Variants in DOCK3 observed in about 807,000 individuals in gnomAD.
The protein encoded by DOCK3 is dedicator of cytokinesis protein 3.
DOCK3 carries 60 observed loss-of-function variants against 265.6 expected under a neutral mutation model. The ratio of observed to expected loss-of-function variants is 0.23; its 90% CI spans 0.18 to 0.28. DOCK3 has a LOEUF of 0.28. DOCK3 is among the 10% of genes least tolerant of loss of function. The probability of loss-of-function intolerance (pLI) is 1.00; values close to 1 mark genes in which losing one functional copy is unlikely to be tolerated. For synonymous variants in DOCK3, 881 were observed against 938.0 expected, an observed-to-expected ratio of 0.94 and a Z score of 1.11; for missense variants, 1,981 against 2,594.3, an observed-to-expected ratio of 0.76 and a Z score of 5.14.
At chr3:51,275,013 C>T (rs1576621996) in intron 24 of DOCK3, 66 bp from the exon 25 acceptor site, 1 of 1,597,252 alleles carries the variant, frequency 6.3e-7, no homozygotes, top group Non-Finnish European at 8.6e-7. Flanking sequence ...CCCACAATGC[C>T]ACTGGCTTCC....
intron 2 of DOCK3, among the ~76,000 whole-genome samples, chr3:50,813,222 A>G (rs2043868598): frequency 6.6e-6 from 1 of 152,226 alleles, no homozygotes; most frequent in Admixed American, 6.5e-5. Flanking sequence ...AACTCATGAT[A>G]AATTGAAAAT....
intron 1 of DOCK3, among the ~76,000 whole-genome samples, chr3:50,709,762 G>A (rs762302411): frequency 4.6e-5 from 7 of 152,150 alleles, no homozygotes; most frequent in Non-Finnish European, 1.0e-4. Flanking sequence ...CGAGGTGGAG[G>A]TTTCAGTGAG....
chr3:51,133,733 TG>T lies in DOCK3; in HGVS notation c.747-12813del, dbSNP rs202140229. Among the ~76,000 whole-genome samples the T allele has an allele frequency of 6.8e-3, 1,029 of 152,160 alleles. 5 individuals are homozygous for T. Among genetic ancestry groups the T allele is most frequent in the Middle Eastern group, 0.024 (7 of 294 alleles). On this transcript the variant is annotated intron_variant, in intron 9 of 52. Coordinates refer to ENST00000266037, the MANE Select transcript of DOCK3 (RefSeq NM_004947.5). ...CAAACAGAAATCTAGAGAACAGGCATGGGAATGGATATTAAGGGTGTGGGAT... is the reference window on the plus strand; with the variant it reads ...CAAACAGAAATCTAGAGAACAGGCATGGAATGGATATTAAGGGTGTGGGAT...
intron 4 of DOCK3, among the ~76,000 whole-genome samples, chr3:50,921,086 T>A (rs1235185099): frequency 1.3e-5 from 2 of 152,258 alleles, no homozygotes; most frequent in African/African-American, 4.8e-5. Context: ...TCTTGAGTTC[T>A]AGTTTGATTG....
chr3:51,093,660 T>G (rs1392378943), intron 9 of DOCK3, among the ~76,000 whole-genome samples: 3 of 152,038 alleles, frequency 2.0e-5, no homozygotes, highest in Non-Finnish European at 4.4e-5. Flanking sequence ...CTTTCCTTTA[T>G]TTCTTTCTCT....
chr3:50,828,289 G>C (rs766875556), intron 2 of DOCK3, among the ~76,000 whole-genome samples: 1 of 152,008 alleles, frequency 6.6e-6, no homozygotes, highest in African/African-American at 2.4e-5. Context: ...TCCCCAGATC[G>C]CATGAACTTT....
intron 27 of DOCK3, among the ~76,000 whole-genome samples, chr3:51,286,142 T>TA (rs1296299878): frequency 1.3e-5 from 2 of 152,160 alleles, no homozygotes; most frequent in Non-Finnish European, 1.5e-5. Context: ...AAAATCGATG[T>TA]AAAAAATCAG....
At position 50,994,955 on chromosome 3, in the gene DOCK3, G is replaced by A. The variant is rs554112688; in HGVS notation, c.315+60878G>A. On this transcript the variant is annotated intron_variant, in intron 5 of 52. Transcript: ENST00000266037. Reference sequence around the variant, plus strand: ...GGTTTCTTATAATTTTATTAAACCTGTATAGCATGATTTTCTTAATGAATT... The same window carrying A: ...GGTTTCTTATAATTTTATTAAACCTATATAGCATGATTTTCTTAATGAATT... Among the ~76,000 whole-genome samples the A allele has an allele frequency of 4.6e-5, 7 of 152,264 alleles. 1 individual carries two copies. The East Asian group carries it at 1.3e-3, about 29-fold the overall frequency.
rs761430770 is a variant in DOCK3 at position 51,260,147 on chromosome 3, A to G, written c.2185-9A>G. 23 of 1,608,416 alleles carry G rather than the reference A, an allele frequency of 1.4e-5. No individual in the cohort carries two copies. Among genetic ancestry groups the G allele is most frequent in the East Asian group, 4.5e-5 (2 of 44,690 alleles). ...ATCTCTCCATCACTTTTTCTCCCAC[A>G]CTTTTCAGGCCTTGGAGTACCTTTT... On this transcript the variant is annotated splice_polypyrimidine_tract_variant and intron_variant, in intron 22 of 52. Coordinates refer to ENST00000266037, the MANE Select transcript of DOCK3 (RefSeq NM_004947.5).
chr3:51,082,252 C>T (rs2082268247), intron 7 of DOCK3, among the ~76,000 whole-genome samples: 1 of 151,944 alleles, frequency 6.6e-6, no homozygotes, highest in South Asian at 2.1e-4. Flanking sequence ...ATTTTGAGAG[C>T]CTAGCTCCCA....
At chr3:50,719,537 G>A in intron 1 of DOCK3, 2 of 1,195,016 alleles carry the variant, frequency 1.7e-6, no homozygotes, top group South Asian at 1.3e-5. Flanking sequence ...GCCGTTTCTG[G>A]ATCTAGAGCA....
At chr3:51,365,271 G>A (rs2087055637) in intron 49 of DOCK3, among the ~76,000 whole-genome samples, 1 of 152,186 alleles carries the variant, frequency 6.6e-6, no homozygotes, top group Non-Finnish European at 1.5e-5. Context: ...GTTCACTCCT[G>A]ATTTGGCTCT....
intron 26 of DOCK3, 134 bp downstream of exon 26, chr3:51,277,888 C>G: frequency 2.0e-6 from 3 of 1,508,806 alleles, no homozygotes; most frequent in Non-Finnish European, 2.7e-6. Context: ...GCATGCTGCC[C>G]TCTTCCCTTC....
chr3:51,210,584 T>C lies in DOCK3; in HGVS notation c.1126+1722T>C, dbSNP rs544914516. On this transcript the variant is annotated intron_variant, in intron 13 of 52. Transcript: ENST00000266037. ...TCTCCAGACTCCAGGCCTTTGGCCT[T>C]TCTACTCAGTTGCCAAGCTTCTGAG... is the stretch of plus-strand genomic sequence containing the variant. Among the ~76,000 whole-genome samples, 15 of 152,334 alleles carry C rather than the reference T, an allele frequency of 9.8e-5. No homozygotes were observed. In the South Asian group the frequency reaches 2.9e-3, roughly 29 times the overall value.
chr3:51,189,696 G>A (rs905785343), intron 12 of DOCK3, among the ~76,000 whole-genome samples: 1 of 152,136 alleles, frequency 6.6e-6, no homozygotes, highest in South Asian at 2.1e-4. Context: ...TATCTTTGCA[G>A]TTGTTAATTG....
At chr3:51,236,931 T>C (rs1026514577) in intron 20 of DOCK3, among the ~76,000 whole-genome samples, 3 of 152,202 alleles carry the variant, frequency 2.0e-5, no homozygotes, top group Non-Finnish European at 2.9e-5. Flanking sequence ...TTGCCTAATA[T>C]ATCCAGTCCC....
chr3:51,216,643 C>T (rs1444809846), intron 14 of DOCK3, among the ~76,000 whole-genome samples: 4 of 152,184 alleles, frequency 2.6e-5, no homozygotes, highest in South Asian at 2.1e-4. Flanking sequence ...GGGTTGTGGG[C>T]TGTTAGCAAC....
chr3:51,363,056 C>T (rs1475314855), intron 49 of DOCK3, among the ~76,000 whole-genome samples: 1 of 152,178 alleles, frequency 6.6e-6, no homozygotes, highest in Admixed American at 6.5e-5. Flanking sequence ...AATCGGGAGA[C>T]TAAAATTAAC....
chr3:51,272,784 C>A (rs1252591215), intron 24 of DOCK3, among the ~76,000 whole-genome samples: 1 of 151,954 alleles, frequency 6.6e-6, no homozygotes, highest in Non-Finnish European at 1.5e-5. Flanking sequence ...TCTTCTCCAG[C>A]TCCTATACTG....
Sources: allele counts gnomAD v4.1 joint callset (sites outside exome capture counted in the v4.1 genomes callset), GRCh38; gene constraint gnomAD v4.1.1; transcripts MANE v1.5; gene names NCBI Gene and HGNC (gene_info 2026-07-23, HGNC 2026-07-21).